Variants in PPP2R2B observed in about 807,000 individuals in gnomAD.
PPP2R2B encodes the protein serine/threonine-protein phosphatase 2A 55 kDa regulatory subunit B beta isoform.
Under a neutral mutation model 46.0 loss-of-function variants are expected in PPP2R2B, and 5 were observed. The ratio of observed to expected loss-of-function variants is 0.11; its 90% CI spans 0.06 to 0.23. PPP2R2B has a LOEUF of 0.23. PPP2R2B is among the 10% of genes least tolerant of loss of function. The pLI is 1.00. For missense variants in PPP2R2B, 367 were observed against 575.0 expected (o/e 0.64, Z 3.70); for synonymous variants, 215 against 206.7 (o/e 1.04, Z -0.34).
upstream of PPP2R2B, among the ~76,000 whole-genome samples, chr5:146,882,268 G>GAA (rs754966591): frequency 2.1e-5 from 2 of 97,516 alleles, no homozygotes; most frequent in Non-Finnish European, 2.2e-5. Context: ...TCCTTCTCAA[G>GAA]AAAAAAAAAA....
At chr5:146,645,203 GA>G (rs1379166293) in intron 6 of PPP2R2B, among the ~76,000 whole-genome samples, 4 of 152,160 alleles carry the variant, frequency 2.6e-5, no homozygotes, top group Non-Finnish European at 5.9e-5. Flanking sequence ...GAGTTGCTTT[GA>G]GATCTTTTTC....
intron 2 of PPP2R2B, among the ~76,000 whole-genome samples, chr5:146,855,791 G>A (rs933906717): frequency 6.6e-6 from 1 of 152,050 alleles, no homozygotes; most frequent in African/African-American, 2.4e-5. Flanking sequence ...ATAGCCAAAT[G>A]TGGAGGCTGT....
chr5:146,901,923 G>A (rs1422110548), intron 1 of PPP2R2B, among the ~76,000 whole-genome samples: 1 of 152,150 alleles, frequency 6.6e-6, no homozygotes, highest in Non-Finnish European at 1.5e-5. Context: ...AAGTGAGAGA[G>A]GATGGCCAAA....
chr5:147,052,472 T>A (rs1377078638), intron 1 of PPP2R2B, among the ~76,000 whole-genome samples: 2 of 152,040 alleles, frequency 1.3e-5, no homozygotes, highest in Admixed American at 6.6e-5. Context: ...CAAATTAGGG[T>A]AAGTGCTTTG....
intron 2 of PPP2R2B, among the ~76,000 whole-genome samples, chr5:146,725,576 C>A (rs1026087021): frequency 9.2e-5 from 14 of 152,108 alleles, no homozygotes; most frequent in African/African-American, 2.9e-4. Flanking sequence ...CAAGACATAT[C>A]GATTTTTAGT....
chr5:146,803,936 G>C (rs971391294), intron 2 of PPP2R2B, among the ~76,000 whole-genome samples: 1 of 152,124 alleles, frequency 6.6e-6, no homozygotes, highest in East Asian at 1.9e-4. Context: ...GGGAGGCCGA[G>C]GCAGGCAGAT....
At chr5:146,962,412 A>C (rs148613049) in intron 1 of PPP2R2B, among the ~76,000 whole-genome samples, 2,079 of 151,860 alleles carry the variant, frequency 0.014, 51 homozygotes, top group African/African-American at 0.048. Flanking sequence ...TAATCCTAGC[A>C]CTTTGGGAGA....
At chr5:146,613,930 G>C (rs920192295) in intron 7 of PPP2R2B, among the ~76,000 whole-genome samples, 2 of 125,918 alleles carry the variant, frequency 1.6e-5, no homozygotes, top group African/African-American at 7.3e-5. Flanking sequence ...ACTGCCCAAG[G>C]TAATTTACAG....
chr5:146,749,378 C>T (rs1446497274), intron 2 of PPP2R2B, among the ~76,000 whole-genome samples: 2 of 152,074 alleles, frequency 1.3e-5, no homozygotes, highest in Non-Finnish European at 2.9e-5. Context: ...TTTGGCTGAG[C>T]AAATGTTTTA....
At chr5:146,861,640 A>G (rs905405544) in intron 2 of PPP2R2B, among the ~76,000 whole-genome samples, 3 of 152,224 alleles carry the variant, frequency 2.0e-5, no homozygotes, top group Non-Finnish European at 2.9e-5. Flanking sequence ...AACAATGTAT[A>G]TATTTATTTA....
At chr5:146,771,384 A>AT (rs987572099) in intron 2 of PPP2R2B, among the ~76,000 whole-genome samples, 23 of 152,094 alleles carry the variant, frequency 1.5e-4, no homozygotes, top group Non-Finnish European at 1.6e-4. Flanking sequence ...GGTGCTACTA[A>AT]TTTTTTTTAA....
rs184913831 is a variant in PPP2R2B at position 146,951,751 on chromosome 5, G to A, written c.79+103914C>T. 1.7e-3 allele frequency among the ~76,000 whole-genome samples: 259 copies of A among 151,974 alleles called. 2 individuals carry two copies. The highest frequency in any genetic ancestry group is 5.3e-3 in the Admixed American group (81 of 15,256). On this transcript the variant is annotated intron_variant, in intron 1 of 8. Transcript: ENST00000336640. Reference sequence around the variant, plus strand: ...TATAGGTACCACATTTTTAAAATCCGGTCTACCACTGATGGGCATTTGGGT... The same window carrying A: ...TATAGGTACCACATTTTTAAAATCCAGTCTACCACTGATGGGCATTTGGGT...
intron 1 of PPP2R2B, among the ~76,000 whole-genome samples, chr5:146,952,783 A>C (rs554842393): frequency 1.3e-5 from 2 of 152,118 alleles, no homozygotes; most frequent in East Asian, 3.9e-4. Context: ...AGGTCAGTGG[A>C]AAGTGTGAGC....
intron 5 of PPP2R2B, among the ~76,000 whole-genome samples, chr5:146,683,717 G>A (rs192065486): frequency 2.0e-5 from 3 of 152,232 alleles, no homozygotes; most frequent in East Asian, 3.9e-4. Flanking sequence ...GGCGAAACAT[G>A]TCAAAACACA....
intron 2 of PPP2R2B, among the ~76,000 whole-genome samples, chr5:147,072,500 A>G (rs1757630470): frequency 6.6e-6 from 1 of 152,192 alleles, no homozygotes; most frequent in Non-Finnish European, 1.5e-5. Flanking sequence ...ACAGTAGCTG[A>G]GAATAACAAC....
chr5:146,736,275 A>G (rs1752532651), intron 2 of PPP2R2B, among the ~76,000 whole-genome samples: 2 of 152,160 alleles, frequency 1.3e-5, no homozygotes, highest in African/African-American at 2.4e-5. Flanking sequence ...TCTTTCCTTT[A>G]TAAGTTACCC....
intron 2 of PPP2R2B, among the ~76,000 whole-genome samples, chr5:147,076,084 A>G (rs1757756073): frequency 1.3e-5 from 2 of 152,138 alleles, no homozygotes; most frequent in South Asian, 4.1e-4. Context: ...TGAACCAGGT[A>G]TTTTTAACTG....
chr5:146,763,041 C>T lies in PPP2R2B; in HGVS notation c.71-61899G>A, dbSNP rs1046207132. On this transcript the variant is annotated intron_variant, in intron 2 of 9. Transcript: ENST00000394411. The stretch of plus-strand genomic sequence containing the variant: ...CTGGCTCCAAGAGCAGCTCTGTGAG[C>T]CTGTTTTGCTAGATTTCTGCCTGGA... 3.3e-5 allele frequency among the ~76,000 whole-genome samples: 5 copies of T among 152,176 alleles called. No individual in the cohort carries two copies. In the East Asian group the frequency reaches 9.6e-4, roughly 29 times the overall value.
intron 2 of PPP2R2B, among the ~76,000 whole-genome samples, chr5:146,762,889 G>A (rs1368953510): frequency 2.6e-5 from 4 of 152,028 alleles, no homozygotes; most frequent in African/African-American, 9.7e-5. Flanking sequence ...GCTTCAGGCT[G>A]GTAGGTAATA....
Sources: allele counts gnomAD v4.1 joint callset (sites outside exome capture counted in the v4.1 genomes callset), GRCh38; gene constraint gnomAD v4.1.1; transcripts MANE v1.5; gene names NCBI Gene and HGNC (gene_info 2026-07-23, HGNC 2026-07-21).